Variants in CSMD2 observed in about 807,000 individuals in gnomAD.
CSMD2 encodes the protein CUB and sushi domain-containing protein 2.
CSMD2 carries 130 observed loss-of-function variants against 398.5 expected under a neutral mutation model. That is an observed-to-expected ratio of 0.33 (90% CI 0.28 to 0.38). The LOEUF (loss-of-function observed/expected upper bound fraction) is 0.38. CSMD2 is among the 10% of genes least tolerant of loss of function. CSMD2 has a pLI of 1.00. For synonymous variants in CSMD2, 1,828 were observed against 1,908.5 expected (o/e 0.96, Z 1.10); for missense variants, 3,829 against 4,764.9 (o/e 0.80, Z 5.78).
At chr1:34,008,110 A>G (rs1647116843) in intron 3 of CSMD2, among the ~76,000 whole-genome samples, 1 of 152,318 alleles carries the variant, frequency 6.6e-6, no homozygotes, top group South Asian at 2.1e-4. Flanking sequence ...AATTCTCTGC[A>G]CTCATCTGTC....
chr1:33,879,094 G>T (rs1445180663), intron 5 of CSMD2, among the ~76,000 whole-genome samples: 1 of 152,204 alleles, frequency 6.6e-6, no homozygotes, highest in Non-Finnish European at 1.5e-5. Flanking sequence ...GTGTGAGTTG[G>T]TGGCTTCTAT....
intron 25 of CSMD2, among the ~76,000 whole-genome samples, chr1:33,671,568 C>T (rs1644499058): frequency 6.6e-6 from 1 of 152,086 alleles, no homozygotes; most frequent in Non-Finnish European, 1.5e-5. Flanking sequence ...TTCAGAGTTC[C>T]ACCTCCCACT....
chr1:33,658,372 C>A (rs1322243199), intron 26 of CSMD2, among the ~76,000 whole-genome samples: 1 of 152,210 alleles, frequency 6.6e-6, no homozygotes, highest in Admixed American at 6.5e-5. Flanking sequence ...ATCACCACTA[C>A]CATTCTTCCA....
At chr1:33,521,438 C>A in intron 68 of CSMD2, 25 bp downstream of exon 68, 6 of 1,328,692 alleles carry the variant, frequency 4.5e-6, no homozygotes, top group Non-Finnish European at 5.4e-6. Flanking sequence ...CGGGCCCACA[C>A]TTCCGGGGGA....
intron 25 of CSMD2, among the ~76,000 whole-genome samples, chr1:33,669,178 C>A (rs1644410559): frequency 6.6e-6 from 1 of 152,170 alleles, no homozygotes; most frequent in African/African-American, 2.4e-5. Flanking sequence ...TGTCTGGTAC[C>A]AAAGGCCTTT....
rs1014502116 is a variant in CSMD2, at chr1:33,592,290, C to T, written c.6857-5122G>A. ...AGTAGAAGAGCAGCAATCCATTGCA[C>T]TTGGATTTTTATCTTTTCAGGAGAT... On this transcript the variant is annotated intron_variant, in intron 44 of 70. Transcript: ENST00000373381. The T allele has an allele frequency of 2.7e-5, 19 of 699,898 alleles. No homozygotes were observed. The Admixed American group carries it at 3.9e-4, about 14-fold the overall frequency. The allele number at this position is 699,898 out of a possible 1,614,324, so 43.4% of individuals were successfully genotyped here.
chr1:33,526,827 C>A (rs546402056), intron 65 of CSMD2, among the ~76,000 whole-genome samples: 6 of 152,348 alleles, frequency 3.9e-5, no homozygotes, highest in African/African-American at 1.4e-4. Flanking sequence ...TGGAAAGACC[C>A]CAGACCTATC....
chr1:34,068,468 T>C (rs937523831), intron 2 of CSMD2, among the ~76,000 whole-genome samples: 1 of 152,272 alleles, frequency 6.6e-6, no homozygotes, highest in Non-Finnish European at 1.5e-5. Flanking sequence ...CTCATACCCA[T>C]GTTATTATTA....
chr1:33,790,768 T>A (rs192357504), intron 11 of CSMD2, among the ~76,000 whole-genome samples: 2 of 151,812 alleles, frequency 1.3e-5, no homozygotes, highest in East Asian at 3.9e-4. Context: ...GTATCATCTA[T>A]CATCTATCAA....
At chr1:33,603,020 G>T (rs1640331195) in intron 42 of CSMD2, among the ~76,000 whole-genome samples, 1 of 152,130 alleles carries the variant, frequency 6.6e-6, no homozygotes, top group Non-Finnish European at 1.5e-5. Flanking sequence ...CTGGGGTGAG[G>T]CTAAGGTTGG....
At chr1:33,622,323 T>A in intron 36 of CSMD2, 52 bp from the exon 37 acceptor site, 2 of 1,317,594 alleles carry the variant, frequency 1.5e-6, no homozygotes, top group Non-Finnish European at 2.2e-6. Flanking sequence ...CTCCAGGCCC[T>A]TGCATTCCTC....
In CSMD2 at chr1:34,069,237, T is replaced by C. The variant is rs963769; in HGVS notation, c.404+19740A>G. On this transcript the variant is annotated intron_variant, in intron 2 of 70. Coordinates refer to ENST00000373381, the MANE Select transcript of CSMD2 (RefSeq NM_001281956.2). ...GGGTATTCAACTATTTATTCATTCA[T>C]TGGGCAAGAATTTGCTGAGACCCCC... is the stretch of plus-strand genomic sequence containing the variant. 7.2e-3 allele frequency among the ~76,000 whole-genome samples: 1,089 copies of C among 152,194 alleles called. 16 individuals carry two copies. Among genetic ancestry groups the C allele is most frequent in the East Asian group, 0.053 (272 of 5,178 alleles).
chr1:33,676,639 C>A (rs1485789434), intron 25 of CSMD2, among the ~76,000 whole-genome samples: 1 of 152,116 alleles, frequency 6.6e-6, no homozygotes, highest in Non-Finnish European at 1.5e-5. Flanking sequence ...CAAAAAAGAG[C>A]CCGCATCACC....
At chr1:33,976,612 T>A (rs1373986427) in intron 3 of CSMD2, among the ~76,000 whole-genome samples, 1 of 152,130 alleles carries the variant, frequency 6.6e-6, no homozygotes, top group African/African-American at 2.4e-5. Flanking sequence ...CAGGGCATGA[T>A]GCGAGTGGTC....
rs184880563 is a variant in CSMD2 at position 33,700,410 on chromosome 1, T to A, written c.3733+107A>T. 6.8e-3 allele frequency: 8,372 copies of A among 1,234,342 alleles called. 52 individuals are homozygous for A. Among genetic ancestry groups the A allele is most frequent in the Non-Finnish European group, 8.3e-3 (7,192 of 863,674 alleles). The allele number at this position is 1,234,342 out of a possible 1,614,324, so 76.5% of individuals were successfully genotyped here. On this transcript the variant is annotated intron_variant, in intron 23 of 70. Coordinates refer to ENST00000373381, the MANE Select transcript of CSMD2 (RefSeq NM_001281956.2). ...GGATACATATTGGATTTTAAAACAG[T>A]CTTAAGAGCACATTCTTTGTATCTC...
chr1:33,732,010 A>G (rs1646735256), intron 15 of CSMD2, among the ~76,000 whole-genome samples: 3 of 152,218 alleles, frequency 2.0e-5, no homozygotes, highest in South Asian at 2.1e-4. Flanking sequence ...ACTGATAGGT[A>G]CATGTGGGTT....
chr1:33,820,477 C>G lies in CSMD2; in HGVS notation c.1191G>C (p.Ser397=). 1 of 1,608,706 alleles carries G rather than the reference C, an allele frequency of 6.2e-7. No individual in the cohort carries two copies. Among genetic ancestry groups the G allele is most frequent in the Non-Finnish European group, 8.5e-7 (1 of 1,176,230 alleles). Residue 397 remains serine (S), a synonymous_variant, in exon 8 of 71, where the codon TCG becomes TCC. Transcript: ENST00000373381. The part of the protein sequence containing the change: ...GIPERGKRLG[S]DFRLGSSVQF... ...TCCCAAATAGATCTTACCTGAAATCCGAGCCTAGTCTTTTGCCCCTTTCGG... is the reference window on the plus strand; with the variant it reads ...TCCCAAATAGATCTTACCTGAAATCGGAGCCTAGTCTTTTGCCCCTTTCGG...
chr1:33,572,834 G>T, intron 49 of CSMD2, 143 bp from the exon 50 acceptor site: 1 of 540,702 alleles, frequency 1.8e-6, no homozygotes, highest in Non-Finnish European at 2.9e-6. Context: ...AAAGAAAATG[G>T]GAGGATCATC....
intron 24 of CSMD2, among the ~76,000 whole-genome samples, chr1:33,694,926 C>T (rs1341013759): frequency 6.6e-6 from 1 of 152,176 alleles, no homozygotes; most frequent in Non-Finnish European, 1.5e-5. Context: ...GGATACTGCC[C>T]TCCCCTGGAA....
Sources: gnomAD v4.1 joint callset for allele counts (sites outside exome capture counted in the v4.1 genomes callset) on GRCh38, gnomAD v4.1.1 for gene constraint, MANE v1.5 for transcripts, NCBI Gene and HGNC (gene_info 2026-07-23, HGNC 2026-07-21) for gene names.